CLVS1: variants seen among roughly 807,000 people sequenced by gnomAD.
CLVS1 encodes the protein clavesin-1.
CLVS1 carries 10 observed loss-of-function variants against 33.1 expected under a neutral mutation model. The observed-to-expected ratio is 0.30, with a 90% CI of 0.19 to 0.51. The LOEUF is 0.51. Ranked by LOEUF, CLVS1 falls within the 20% of genes least tolerant of loss-of-function variation. CLVS1 has a pLI of 0.97. For missense variants in CLVS1, 343 were observed against 433.4 expected, an observed-to-expected ratio of 0.79 and a Z score of 1.85; for synonymous variants, 163 against 166.1, an observed-to-expected ratio of 0.98 and a Z score of 0.14.
intron 5 of CLVS1, among the ~76,000 whole-genome samples, chr8:61,466,743 G>A (rs1183961756): frequency 6.6e-6 from 1 of 152,144 alleles, no homozygotes; most frequent in Non-Finnish European, 1.5e-5. Context: ...CACCTCCCGG[G>A]TTCAAGTGAT....
intron 1 of CLVS1, among the ~76,000 whole-genome samples, chr8:61,070,224 A>G (rs1158348202): frequency 2.6e-5 from 4 of 151,772 alleles, no homozygotes; most frequent in African/African-American, 7.3e-5. Flanking sequence ...CAAGCTTCCT[A>G]TGGGATATTT....
At chr8:61,232,022 G>GTT (rs376185436) in intron 2 of CLVS1, among the ~76,000 whole-genome samples, 3,124 of 116,804 alleles carry the variant, frequency 0.027, 726 homozygotes, top group East Asian at 0.2. Flanking sequence ...GGAAAGTTGT[G>GTT]GTTTTTTTTT....
chr8:61,121,347 C>T (rs1805866420), intron 1 of CLVS1, among the ~76,000 whole-genome samples: 1 of 152,220 alleles, frequency 6.6e-6, no homozygotes, highest in Non-Finnish European at 1.5e-5. Context: ...GTCGCTCACG[C>T]TGGGAGCTGT....
At chr8:61,130,108 C>T (rs1806059295) in intron 1 of CLVS1, among the ~76,000 whole-genome samples, 1 of 151,808 alleles carries the variant, frequency 6.6e-6, no homozygotes, top group Non-Finnish European at 1.5e-5. Flanking sequence ...TGTGATGGCA[C>T]GTGCCTGTAG....
intron 1 of CLVS1, among the ~76,000 whole-genome samples, chr8:61,121,800 T>C (rs548611757): frequency 6.6e-6 from 1 of 152,294 alleles, no homozygotes; most frequent in South Asian, 2.1e-4. Context: ...ATGTACATTC[T>C]ATGGCTCACA....
At chr8:61,049,673 GAC>G in the CLVS1 span, among the ~76,000 whole-genome samples, 1 of 152,188 alleles carries the variant, frequency 6.6e-6, no homozygotes, top group Admixed American at 6.5e-5. Context: ...AGGCCGCAAA[GAC>G]ACATGATTAC....
intron 2 of CLVS1, among the ~76,000 whole-genome samples, chr8:61,195,457 G>A (rs2129303655): frequency 6.6e-6 from 1 of 151,960 alleles, no homozygotes; most frequent in Non-Finnish European, 1.5e-5. Context: ...TACTTATCAT[G>A]TAAAACAAAC....
At position 61,232,041 on chromosome 8, in the gene CLVS1, T is replaced by TTTTTTTTTTTTTTTTTTTTTTTTTG. The variant is rs1554548394; in HGVS notation, c.-151-67627_-151-67626insTTTTTTTTTTTTTTTGTTTTTTTTT. Among the ~76,000 whole-genome samples the TTTTTTTTTTTTTTTTTTTTTTTTTG allele has an allele frequency of 3.7e-4, 43 of 115,994 alleles. 1 individual carries two copies. Among genetic ancestry groups the TTTTTTTTTTTTTTTTTTTTTTTTTG allele is most frequent in the East Asian group, 1.9e-3 (7 of 3,640 alleles). 76.1% of individuals were successfully genotyped at this position (115,994 alleles called of 152,430 possible). ...AGTTGTGGTTTTTTTTTTTTTTTTTTTTTTTTTTTGTGAGATGGAGTCTCG... is the reference window on the plus strand; with the variant it reads ...AGTTGTGGTTTTTTTTTTTTTTTTTTTTTTTTTTTTTTTTTTTTTTTTTTGTTTTTTTTTGTGAGATGGAGTCTCG... On this transcript the variant is annotated intron_variant, in intron 2 of 2. Transcript: ENST00000522621.
chr8:61,000,507 G>A, the CLVS1 span, among the ~76,000 whole-genome samples: 1 of 152,156 alleles, frequency 6.6e-6, no homozygotes, highest in African/African-American at 2.4e-5. Context: ...GAGGGATGAT[G>A]GATTGCCGAT....
At chr8:61,079,253 C>G (rs916903849) in intron 1 of CLVS1, among the ~76,000 whole-genome samples, 6 of 152,134 alleles carry the variant, frequency 3.9e-5, no homozygotes, top group Non-Finnish European at 1.5e-5. Context: ...ATTCCCTCTT[C>G]AGGGGAGGGG....
intron 2 of CLVS1, among the ~76,000 whole-genome samples, chr8:61,350,856 G>A (rs1812427777): frequency 6.6e-6 from 1 of 152,134 alleles, no homozygotes; most frequent in Non-Finnish European, 1.5e-5. Context: ...CTCTCTGGCT[G>A]TGGAGTTGAA....
the CLVS1 span, among the ~76,000 whole-genome samples, chr8:61,023,121 T>C: frequency 4.6e-5 from 7 of 152,248 alleles, no homozygotes; most frequent in Non-Finnish European, 8.8e-5. Context: ...TTATAGATAG[T>C]ATTTGTTTTA....
At chr8:61,112,519 C>T (rs1311973460) in intron 1 of CLVS1, among the ~76,000 whole-genome samples, 1 of 152,120 alleles carries the variant, frequency 6.6e-6, no homozygotes, top group Non-Finnish European at 1.5e-5. Flanking sequence ...CAATAGGCAG[C>T]GAGATTACTT....
chr8:61,379,624 T>C (rs1813784816), intron 3 of CLVS1, among the ~76,000 whole-genome samples: 1 of 152,148 alleles, frequency 6.6e-6, no homozygotes, highest in African/African-American at 2.4e-5. Flanking sequence ...TTGCTACACG[T>C]TGGGTTGTTG....
chr8:61,366,525 A>G (rs1254467411), intron 2 of CLVS1, among the ~76,000 whole-genome samples: 2 of 152,224 alleles, frequency 1.3e-5, no homozygotes, highest in Non-Finnish European at 2.9e-5. Flanking sequence ...ATACTTAAGG[A>G]CACACATCAG....
chr8:61,098,288 A>G (rs910457480), intron 1 of CLVS1, among the ~76,000 whole-genome samples: 1 of 152,070 alleles, frequency 6.6e-6, no homozygotes, highest in African/African-American at 2.4e-5. Context: ...TCATCACCTC[A>G]GAGTGTTAAT....
At chr8:61,074,443 T>A (rs888038126) in intron 1 of CLVS1, among the ~76,000 whole-genome samples, 1 of 137,070 alleles carries the variant, frequency 7.3e-6, no homozygotes, top group South Asian at 2.3e-4. Flanking sequence ...GTTATATATA[T>A]ATAAGTATAT....
upstream of CLVS1, among the ~76,000 whole-genome samples, chr8:61,054,381 A>G (rs1804439559): frequency 6.6e-6 from 1 of 152,174 alleles, no homozygotes; most frequent in South Asian, 2.1e-4. Context: ...CAGTACTGGG[A>G]GTTCCCCAGG....
chr8:61,168,638 T>A (rs1806929139), intron 2 of CLVS1, among the ~76,000 whole-genome samples: 1 of 152,222 alleles, frequency 6.6e-6, no homozygotes, highest in South Asian at 2.1e-4. Flanking sequence ...ATCTCCAAAC[T>A]AATGTTTCCA....
Sources: allele counts gnomAD v4.1 joint callset (sites outside exome capture counted in the v4.1 genomes callset), GRCh38; gene constraint gnomAD v4.1.1; transcripts MANE v1.5; gene names NCBI Gene and HGNC (gene_info 2026-07-23, HGNC 2026-07-21).